UST: variants seen among roughly 807,000 people sequenced by gnomAD.
UST encodes uronyl 2-sulfotransferase, also known as chondroitin sulfate 2-O-sulfotransferase.
UST carries 21 observed loss-of-function variants against 45.6 expected under a neutral mutation model. The observed-to-expected ratio is 0.46, with a 90% CI of 0.33 to 0.66. UST has a LOEUF of 0.66. UST is among the 30% of genes least tolerant of loss of function. UST has a pLI of 0.02. For missense variants in UST, 463 were observed against 512.4 expected, an observed-to-expected ratio of 0.90 and a Z score of 0.93; for synonymous variants, 215 against 200.6, an observed-to-expected ratio of 1.07 and a Z score of -0.61.
chr6:148,989,863 T>C (rs1038179431), intron 5 of UST, among the ~76,000 whole-genome samples: 4 of 152,218 alleles, frequency 2.6e-5, no homozygotes, highest in East Asian at 1.9e-4. Context: ...TCTCCTGAGT[T>C]TTTTGGATAA....
intron 1 of UST, among the ~76,000 whole-genome samples, chr6:148,816,481 T>C (rs1197422759): frequency 6.6e-6 from 1 of 152,206 alleles, no homozygotes; most frequent in Non-Finnish European, 1.5e-5. Flanking sequence ...TTTAGACCCC[T>C]GATGAGGGCA....
intron 7 of UST, among the ~76,000 whole-genome samples, chr6:149,034,964 AG>A (rs1278063607): frequency 6.7e-6 from 1 of 149,222 alleles, no homozygotes; most frequent in Non-Finnish European, 1.5e-5. Flanking sequence ...CTAAATATTT[AG>A]TGGATACTTT....
At chr6:148,901,552 T>C (rs1260648525) in intron 2 of UST, among the ~76,000 whole-genome samples, 2 of 146,852 alleles carry the variant, frequency 1.4e-5, no homozygotes, top group East Asian at 2.0e-4. Flanking sequence ...GTGACCCGTG[T>C]CACTTTTTTT....
chr6:148,838,086 AATCAGT>A (rs1408390883), intron 1 of UST, among the ~76,000 whole-genome samples: 2 of 152,228 alleles, frequency 1.3e-5, no homozygotes, highest in Non-Finnish European at 2.9e-5. Flanking sequence ...GAGGAGATTA[AATCAGT>A]ATCATATGAT....
Position 148,781,355 on chromosome 6 carries a change from C to A in UST, c.247+33678C>A, listed in dbSNP as rs758324144. ...GGATAGAAGGTCAAACCAGCCACAA[C>A]ATTGCGTTAAGCCAAAGCCTGATCC... On this transcript the variant is annotated intron_variant, in intron 1 of 7. Coordinates refer to ENST00000367463, the MANE Select transcript of UST (RefSeq NM_005715.3). 2.6e-4 allele frequency among the ~76,000 whole-genome samples: 39 copies of A among 152,104 alleles called. 1 individual carries two copies. The highest frequency in any genetic ancestry group is 4.1e-4 in the Non-Finnish European group (28 of 68,016).
At position 148,923,924 on chromosome 6, in the gene UST, G is replaced by A. The variant is rs148711028; in HGVS notation, c.292-17355G>A. On this transcript the variant is annotated intron_variant, in intron 2 of 7. Transcript: ENST00000367463. ...AAAGGATTTAATGCCCCTGGACCTC[G>A]GTTTCCTCGTCAGTAAATAATATTG... is the stretch of plus-strand genomic sequence containing the variant. 2.3e-3 allele frequency among the ~76,000 whole-genome samples: 353 copies of A among 152,272 alleles called. 3 individuals carry two copies. Among genetic ancestry groups the A allele is most frequent in the Non-Finnish European group, 3.4e-3 (231 of 68,018 alleles).
intron 5 of UST, among the ~76,000 whole-genome samples, chr6:149,000,098 C>A (rs1336928755): frequency 6.6e-6 from 1 of 152,136 alleles, no homozygotes; most frequent in Non-Finnish European, 1.5e-5. Context: ...AGTGTCCTGG[C>A]CAACAAGAGG....
At chr6:148,878,084 G>A (rs1328650433) in intron 1 of UST, among the ~76,000 whole-genome samples, 5 of 123,922 alleles carry the variant, frequency 4.0e-5, no homozygotes, top group Admixed American at 2.5e-4. Context: ...GTGTATGAGT[G>A]CGGGGGATTG....
At chr6:149,035,401 G>T (rs577885359) in intron 7 of UST, among the ~76,000 whole-genome samples, 1 of 152,094 alleles carries the variant, frequency 6.6e-6, no homozygotes, top group Non-Finnish European at 1.5e-5. Context: ...CTCTTTTTCA[G>T]TCTGAAGGCT....
intron 1 of UST, among the ~76,000 whole-genome samples, chr6:148,851,033 T>C (rs1778093366): frequency 6.6e-6 from 1 of 152,178 alleles, no homozygotes; most frequent in African/African-American, 2.4e-5. Flanking sequence ...ATTCCAGAAC[T>C]CACCCTTGTG....
intron 2 of UST, 99 bp from the exon 3 acceptor site, chr6:148,941,172 TCACTCAGA>T: frequency 7.4e-7 from 1 of 1,353,554 alleles, no homozygotes; most frequent in Admixed American, 2.2e-5. Flanking sequence ...TAGGCCTTTT[TCACTCAGA>T]TTTATTATAT....
At chr6:148,850,859 T>C (rs1269429536) in intron 1 of UST, among the ~76,000 whole-genome samples, 1 of 152,226 alleles carries the variant, frequency 6.6e-6, no homozygotes, top group African/African-American at 2.4e-5. Flanking sequence ...GAGCTGCATT[T>C]AGAAGCCAGG....
At chr6:148,833,175 T>C (rs1437992783) in intron 1 of UST, among the ~76,000 whole-genome samples, 4 of 152,156 alleles carry the variant, frequency 2.6e-5, no homozygotes, top group African/African-American at 4.8e-5. Context: ...AGAAAAATAG[T>C]ATAAGCATGT....
chr6:148,840,267 T>C (rs1316586191), intron 1 of UST, among the ~76,000 whole-genome samples: 2 of 152,212 alleles, frequency 1.3e-5, no homozygotes, highest in Non-Finnish European at 2.9e-5. Context: ...GTGCTCATGC[T>C]GGAACCACTG....
chr6:148,799,326 T>C (rs1777011180), intron 1 of UST, among the ~76,000 whole-genome samples: 1 of 152,166 alleles, frequency 6.6e-6, no homozygotes, highest in African/African-American at 2.4e-5. Context: ...TGCTTACAAG[T>C]TGTTATCTCC....
intron 2 of UST, among the ~76,000 whole-genome samples, chr6:148,894,046 A>T (rs1314092027): frequency 6.6e-6 from 1 of 152,096 alleles, no homozygotes; most frequent in Non-Finnish European, 1.5e-5. Flanking sequence ...GATGGAAAGG[A>T]TGAGAAGGGA....
At chr6:148,987,524 G>A (rs1781261057) in intron 5 of UST, among the ~76,000 whole-genome samples, 1 of 152,214 alleles carries the variant, frequency 6.6e-6, no homozygotes, top group Non-Finnish European at 1.5e-5. Context: ...GTAAGCTGCA[G>A]AAGACTTTGT....
intron 7 of UST, among the ~76,000 whole-genome samples, chr6:149,066,609 G>T (rs1310434279): frequency 6.6e-6 from 1 of 152,106 alleles, no homozygotes; most frequent in Non-Finnish European, 1.5e-5. Flanking sequence ...TTAGACGGGG[G>T]ATTTAGGGAG....
At chr6:148,873,087 C>T (rs575817484) in intron 1 of UST, among the ~76,000 whole-genome samples, 1 of 152,310 alleles carries the variant, frequency 6.6e-6, no homozygotes, top group East Asian at 1.9e-4. Context: ...AAGAATCAAG[C>T]AGAGTTTCCT....
Sources: allele counts gnomAD v4.1 joint callset (sites outside exome capture counted in the v4.1 genomes callset), GRCh38; gene constraint gnomAD v4.1.1; transcripts MANE v1.5; gene names NCBI Gene and HGNC (gene_info 2026-07-23, HGNC 2026-07-21).